Variants in NRXN3 observed in about 807,000 individuals in gnomAD.
The protein encoded by NRXN3 is neurexin III.
NRXN3 carries 32 observed loss-of-function variants against 137.6 expected under a neutral mutation model. The observed-to-expected ratio is 0.23, with a 90% CI of 0.18 to 0.31. The LOEUF (loss-of-function observed/expected upper bound fraction) is 0.31. NRXN3 is among the 10% of genes least tolerant of loss of function. The pLI, the probability that NRXN3 is intolerant of heterozygous loss-of-function variation, is 1.00. For synonymous variants in NRXN3, 798 were observed against 784.5 expected (o/e 1.02, Z -0.29); for missense variants, 1,574 against 2,062.5 (o/e 0.76, Z 4.59).
chr14:78,708,594 T>G (rs1408623027), intron 6 of NRXN3: 2 of 152,208 alleles, frequency 1.3e-5, no homozygotes, highest in Non-Finnish European at 2.9e-5. Context: ...CCCGCAAATA[T>G]ACTCCCCAAT....
intron 4 of NRXN3, among the ~76,000 whole-genome samples, chr14:78,592,164 G>T (rs2097123513): frequency 6.6e-6 from 1 of 152,080 alleles, no homozygotes; most frequent in African/African-American, 2.4e-5. Flanking sequence ...GCAAAGTGGG[G>T]GCTGAAGCTT....
intron 4 of NRXN3, among the ~76,000 whole-genome samples, chr14:78,464,579 T>C (rs1305522944): frequency 1.3e-5 from 2 of 152,236 alleles, no homozygotes; most frequent in Non-Finnish European, 2.9e-5. Flanking sequence ...ATTTTTGTTC[T>C]TCATGCTTTT....
intron 6 of NRXN3, among the ~76,000 whole-genome samples, chr14:78,677,090 CACA>C (rs2098016000): frequency 1.3e-5 from 2 of 152,262 alleles, no homozygotes; most frequent in Admixed American, 1.3e-4. Flanking sequence ...TGCCTGCTAA[CACA>C]ACATCATTCT....
intron 4 of NRXN3, among the ~76,000 whole-genome samples, chr14:78,425,038 A>G (rs1348925365): frequency 6.6e-6 from 1 of 152,164 alleles, no homozygotes; most frequent in East Asian, 1.9e-4. Context: ...TGGATCTACA[A>G]ATTGGACTGA....
At chr14:78,281,206 T>A (rs573465359) in intron 3 of NRXN3, among the ~76,000 whole-genome samples, 2 of 152,158 alleles carry the variant, frequency 1.3e-5, no homozygotes, top group South Asian at 4.2e-4. Context: ...CTGGCTGAGG[T>A]CAGTGGGGGC....
intron 4 of NRXN3, among the ~76,000 whole-genome samples, chr14:78,496,943 A>T (rs1013009704): frequency 6.6e-6 from 1 of 152,130 alleles, no homozygotes; most frequent in Non-Finnish European, 1.5e-5. Flanking sequence ...TCATGTGACT[A>T]GCATGAGTTA....
rs900186458 is a variant in NRXN3 at position 78,916,361 on chromosome 14, C to A, written c.2276-40881C>A. ...TAGAAAAATGTTCCAAAGAAATAAA[C>A]CAAGACAGTTAATGCAGAGTTTTGG... On this transcript the variant is annotated intron_variant, in intron 10 of 20. Coordinates refer to ENST00000335750, the MANE Select transcript of NRXN3 (RefSeq NM_001330195.2). 4.6e-5 allele frequency among the ~76,000 whole-genome samples: 7 copies of A among 152,234 alleles called. No homozygotes were observed. The East Asian group carries it at 9.7e-4, about 21-fold the overall frequency.
intron 15 of NRXN3, among the ~76,000 whole-genome samples, chr14:79,375,388 G>C (rs540431144): frequency 1.7e-4 from 25 of 150,028 alleles, no homozygotes; most frequent in African/African-American, 6.1e-4. Flanking sequence ...AAATGACATA[G>C]AGAAAATAAG....
Position 78,999,135 on chromosome 14 carries a change from T to G in NRXN3, c.3262+10994T>G, listed in dbSNP as rs576455667. ...AGAAAAGTGGAGTTGTTTCTATACCTTGTAGTGTTTTGGCCATTGACTGTC... is the reference window on the plus strand; with the variant it reads ...AGAAAAGTGGAGTTGTTTCTATACCGTGTAGTGTTTTGGCCATTGACTGTC... On this transcript the variant is annotated intron_variant, in intron 15 of 20. Coordinates refer to ENST00000335750, the MANE Select transcript of NRXN3 (RefSeq NM_001330195.2). Among the ~76,000 whole-genome samples the G allele has an allele frequency of 1.4e-4, 22 of 152,294 alleles. No individual in the cohort carries two copies. In the South Asian group the frequency reaches 4.6e-3, roughly 32 times the overall value.
intron 16 of NRXN3, among the ~76,000 whole-genome samples, chr14:79,597,087 G>A (rs185415152): frequency 1.3e-5 from 2 of 152,182 alleles, no homozygotes; most frequent in African/African-American, 4.8e-5. Context: ...ACTCTGTGCA[G>A]CTTTTCAGTT....
Position 78,818,146 on chromosome 14 carries a change from G to C in NRXN3, c.2275+7802G>C, listed in dbSNP as rs146934870. Among the ~76,000 whole-genome samples, 333 of 151,630 alleles carry C rather than the reference G, an allele frequency of 2.2e-3. 1 individual carries two copies. Among genetic ancestry groups the C allele is most frequent in the Non-Finnish European group, 4.0e-3 (274 of 67,884 alleles). ...ATGTTAAATTAGTGTACATGGTTTA[G>C]ATATATAAAGTTAGTGTACCTAGTT... On this transcript the variant is annotated intron_variant, in intron 10 of 20. Transcript: ENST00000335750.
intron 4 of NRXN3, among the ~76,000 whole-genome samples, chr14:78,336,662 G>A (rs2081512279): frequency 6.6e-6 from 1 of 152,162 alleles, no homozygotes; most frequent in South Asian, 2.1e-4. Context: ...GCCTCTAGAG[G>A]TTGAGTGACT....
intron 4 of NRXN3, among the ~76,000 whole-genome samples, chr14:78,574,846 C>T (rs1261891367): frequency 1.3e-5 from 2 of 152,186 alleles, no homozygotes; most frequent in Non-Finnish European, 2.9e-5. Flanking sequence ...AAAATAATGG[C>T]AAACCGCACA....
intron 11 of NRXN3, among the ~76,000 whole-genome samples, chr14:78,962,783 G>A (rs562485824): frequency 2.9e-4 from 44 of 151,608 alleles, no homozygotes; most frequent in African/African-American, 9.0e-4. Flanking sequence ...GCATGATGTC[G>A]ACTCACTGCA....
chr14:79,678,142 T>TC (rs142742749), intron 17 of NRXN3, among the ~76,000 whole-genome samples: 9,486 of 151,898 alleles, frequency 0.062, 364 homozygotes, highest in Middle Eastern at 0.16. Context: ...TCTTCCAACC[T>TC]CCCCCTACTC....
intron 8 of NRXN3, among the ~76,000 whole-genome samples, chr14:78,729,491 A>T (rs1409854447): frequency 6.6e-6 from 1 of 152,176 alleles, no homozygotes; most frequent in Non-Finnish European, 1.5e-5. Context: ...TAAATTCAGG[A>T]TTGAGAAAAG....
At chr14:79,730,795 G>A (rs939870762) in intron 19 of NRXN3, among the ~76,000 whole-genome samples, 1 of 152,128 alleles carries the variant, frequency 6.6e-6, no homozygotes, top group Non-Finnish European at 1.5e-5. Context: ...CTTACTGTAA[G>A]TTTTTCAGCA....
chr14:79,290,964 T>A (rs558922292), intron 15 of NRXN3, among the ~76,000 whole-genome samples: 95 of 152,320 alleles, frequency 6.2e-4, no homozygotes, highest in African/African-American at 2.1e-3. Flanking sequence ...TTTAAAAGTT[T>A]GAAAAGATGA....
intron 15 of NRXN3, among the ~76,000 whole-genome samples, chr14:79,119,330 C>T (rs749897027): frequency 9.9e-5 from 15 of 152,076 alleles, no homozygotes; most frequent in Non-Finnish European, 1.6e-4. Flanking sequence ...CAAATCTAAG[C>T]TGCTGATCAG....
Sources: gnomAD v4.1 joint callset for allele counts (sites outside exome capture counted in the v4.1 genomes callset) on GRCh38, gnomAD v4.1.1 for gene constraint, MANE v1.5 for transcripts, NCBI Gene and HGNC (gene_info 2026-07-23, HGNC 2026-07-21) for gene names.